Variants in TMEM178B observed in about 807,000 individuals in gnomAD.
TMEM178B encodes transmembrane protein 178B.
A neutral mutation model predicts 31.0 loss-of-function variants in TMEM178B; 5 were observed. The observed-to-expected ratio is 0.16, with a 90% CI of 0.08 to 0.34. The LOEUF is 0.34. Ranked by LOEUF, TMEM178B falls within the 10% of genes least tolerant of loss-of-function variation. The pLI, the probability that TMEM178B is intolerant of heterozygous loss-of-function variation, is 1.00. For missense variants in TMEM178B, 275 were observed against 400.3 expected, an observed-to-expected ratio of 0.69 and a Z score of 2.67; for synonymous variants, 164 against 164.0, an observed-to-expected ratio of 1.00 and a Z score of 0.00.
At chr7:141,279,254 C>T (rs1013495771) in intron 2 of TMEM178B, among the ~76,000 whole-genome samples, 6 of 152,134 alleles carry the variant, frequency 3.9e-5, no homozygotes, top group African/African-American at 4.8e-5. Context: ...AGACAGGAGA[C>T]GGCAACATAG....
chr7:141,380,514 C>T (rs1301399690), intron 2 of TMEM178B, among the ~76,000 whole-genome samples: 3 of 152,060 alleles, frequency 2.0e-5, no homozygotes, highest in African/African-American at 4.8e-5. Context: ...GTGTCTTGCT[C>T]AAGTAGAATA....
intron 1 of TMEM178B, among the ~76,000 whole-genome samples, chr7:141,088,983 T>C (rs1001049633): frequency 1.3e-5 from 2 of 152,338 alleles, no homozygotes; most frequent in Admixed American, 1.3e-4. Context: ...TGAGATAAAC[T>C]TTCATTCATT....
chr7:141,333,858 T>C (rs1017731618), intron 2 of TMEM178B, among the ~76,000 whole-genome samples: 2 of 152,218 alleles, frequency 1.3e-5, no homozygotes, highest in African/African-American at 4.8e-5. Context: ...ATCCCTTCCA[T>C]GTGCGGTTCA....
At chr7:141,217,012 G>T (rs1348060029) in intron 2 of TMEM178B, among the ~76,000 whole-genome samples, 1 of 152,084 alleles carries the variant, frequency 6.6e-6, no homozygotes, top group Non-Finnish European at 1.5e-5. Flanking sequence ...GAGCTGGGCT[G>T]GTGCTGCTCC....
chr7:141,457,705 CACTT>C (rs2116713758), intron 3 of TMEM178B, among the ~76,000 whole-genome samples: 1 of 152,324 alleles, frequency 6.6e-6, no homozygotes, highest in Admixed American at 6.5e-5. Flanking sequence ...ACCTCTGTAG[CACTT>C]ACAAAAGGTC....
At chr7:141,225,284 C>G (rs572619814) in intron 2 of TMEM178B, among the ~76,000 whole-genome samples, 22 of 152,246 alleles carry the variant, frequency 1.4e-4, no homozygotes, top group African/African-American at 5.3e-4. Flanking sequence ...CTTCACCCCT[C>G]CCCCACCATA....
intron 2 of TMEM178B, among the ~76,000 whole-genome samples, chr7:141,276,575 A>T (rs938534510): frequency 6.6e-6 from 1 of 152,038 alleles, no homozygotes; most frequent in Non-Finnish European, 1.5e-5. Flanking sequence ...GCTCACTATC[A>T]TGAGAGCAGC....
At chr7:141,370,076 G>A (rs2116566600) in intron 2 of TMEM178B, among the ~76,000 whole-genome samples, 1 of 152,226 alleles carries the variant, frequency 6.6e-6, no homozygotes, top group Middle Eastern at 3.4e-3. Flanking sequence ...GCCCCAGGTA[G>A]GAGGGTCCTG....
At chr7:141,118,417 A>G (rs905080628) in intron 1 of TMEM178B, among the ~76,000 whole-genome samples, 5 of 152,236 alleles carry the variant, frequency 3.3e-5, no homozygotes, top group African/African-American at 9.6e-5. Context: ...CCTCTGTCTC[A>G]TTATCTGTAC....
rs77350354 is a variant in TMEM178B at position 141,366,883 on chromosome 7, T to A, written c.497-70725T>A. On this transcript the variant is annotated intron_variant, in intron 2 of 3. Transcript: ENST00000565468. ...GGCCCACAGTATACCCTGCAACTCT[T>A]CTGTGACAGTTTATAATCTGTTTTA... Among the ~76,000 whole-genome samples, 103 of 152,172 alleles carry A rather than the reference T, an allele frequency of 6.8e-4. No homozygotes were observed. The East Asian group carries it at 0.019, about 29-fold the overall frequency.
At chr7:141,239,490 A>T (rs1019293580) in intron 2 of TMEM178B, among the ~76,000 whole-genome samples, 9 of 152,180 alleles carry the variant, frequency 5.9e-5, no homozygotes, top group Admixed American at 2.0e-4. Context: ...GGTGCCAGCC[A>T]TCGCTTGGAA....
chr7:141,150,649 A>G (rs904268210), intron 1 of TMEM178B, among the ~76,000 whole-genome samples: 5 of 152,220 alleles, frequency 3.3e-5, no homozygotes, highest in Non-Finnish European at 7.3e-5. Flanking sequence ...CTCTAGGATG[A>G]GAGAGAGGTC....
intron 2 of TMEM178B, among the ~76,000 whole-genome samples, chr7:141,273,192 A>C (rs1365767321): frequency 2.0e-5 from 3 of 152,256 alleles, no homozygotes; most frequent in Non-Finnish European, 2.9e-5. Context: ...GTGGAAGCAG[A>C]GTAGTAGAAT....
chr7:141,423,714 C>T (rs1447619582), intron 2 of TMEM178B, among the ~76,000 whole-genome samples: 1 of 151,540 alleles, frequency 6.6e-6, no homozygotes, highest in African/African-American at 2.4e-5. Flanking sequence ...TGCTGTCATG[C>T]TGTTCAAACG....
intron 2 of TMEM178B, among the ~76,000 whole-genome samples, chr7:141,339,693 G>T (rs1200194818): frequency 6.6e-6 from 1 of 152,242 alleles, no homozygotes. Context: ...GGCCTTTGGG[G>T]CAGAAACCAG....
rs148060818 is a variant in TMEM178B at position 141,175,515 on chromosome 7, T to C, written c.383-37076T>C. On this transcript the variant is annotated intron_variant, in intron 1 of 3. Coordinates refer to ENST00000565468, the MANE Select transcript of TMEM178B (RefSeq NM_001195278.2). ...TCTGTGAAGAAAGTCAATGGTGGCTTGATTGGGATAGCATTAAATCTATAA... is the reference window on the plus strand; with the variant it reads ...TCTGTGAAGAAAGTCAATGGTGGCTCGATTGGGATAGCATTAAATCTATAA... Among the ~76,000 whole-genome samples the C allele has an allele frequency of 4.5e-4, 69 of 152,332 alleles. 1 individual carries two copies. In the East Asian group the frequency reaches 0.012, roughly 26 times the overall value.
intron 2 of TMEM178B, among the ~76,000 whole-genome samples, chr7:141,233,340 C>T (rs754731869): frequency 2.6e-5 from 4 of 152,200 alleles, no homozygotes; most frequent in Non-Finnish European, 5.9e-5. Flanking sequence ...GCAGGATTAG[C>T]TCAAAGCCTA....
At chr7:141,336,643 A>C (rs1023528918) in intron 2 of TMEM178B, among the ~76,000 whole-genome samples, 1 of 151,928 alleles carries the variant, frequency 6.6e-6, no homozygotes, top group Non-Finnish European at 1.5e-5. Flanking sequence ...GCTATGTTTC[A>C]AAAATAATAT....
At chr7:141,406,634 C>G (rs1447292241) in intron 2 of TMEM178B, among the ~76,000 whole-genome samples, 5 of 152,222 alleles carry the variant, frequency 3.3e-5, no homozygotes, top group Non-Finnish European at 7.3e-5. Flanking sequence ...AGACAGAGAT[C>G]ACTTGAAATG....
Sources: gnomAD v4.1 joint callset for allele counts (sites outside exome capture counted in the v4.1 genomes callset) on GRCh38, gnomAD v4.1.1 for gene constraint, MANE v1.5 for transcripts, NCBI Gene and HGNC (gene_info 2026-07-23, HGNC 2026-07-21) for gene names.